VWA8: variants seen among roughly 807,000 people sequenced by gnomAD.
VWA8 encodes von Willebrand factor A domain-containing protein 8.
A neutral mutation model predicts 241.5 loss-of-function variants in VWA8; 221 were observed. The observed-to-expected ratio is 0.91, with a 90% CI of 0.82 to 1.02. The LOEUF (loss-of-function observed/expected upper bound fraction) is 1.02. Among genes scored for constraint, VWA8 ranks in the 50% least tolerant of loss-of-function variants. VWA8 has a pLI of 0.00. For missense variants in VWA8, 2,322 were observed against 2,328.7 expected (o/e 1.00, Z 0.06); for synonymous variants, 852 against 827.1 (o/e 1.03, Z -0.52).
chr13:41,595,790 A>C (rs2044484249), intron 40 of VWA8, among the ~76,000 whole-genome samples: 1 of 152,134 alleles, frequency 6.6e-6, no homozygotes. Flanking sequence ...TATTAAAAAT[A>C]ATGCCACCAT....
intron 35 of VWA8, among the ~76,000 whole-genome samples, chr13:41,684,341 T>G (rs544129930): frequency 4.3e-4 from 65 of 150,950 alleles, no homozygotes; most frequent in African/African-American, 1.5e-3. Context: ...ACTACCACTG[T>G]GACATAAAAA....
chr13:41,849,430 GATAT>G (rs2138027177), intron 12 of VWA8, among the ~76,000 whole-genome samples: 1 of 152,148 alleles, frequency 6.6e-6, no homozygotes, highest in South Asian at 2.1e-4. Flanking sequence ...GGATCATAAG[GATAT>G]ATAGATATAT....
chr13:41,630,770 C>T (rs574788272), intron 37 of VWA8, among the ~76,000 whole-genome samples: 67 of 152,056 alleles, frequency 4.4e-4, no homozygotes, highest in Admixed American at 1.7e-3. Flanking sequence ...TTTTACTTTA[C>T]CTTTTATTAA....
intron 2 of VWA8, among the ~76,000 whole-genome samples, chr13:41,942,793 G>A (rs1051771740): frequency 6.6e-6 from 1 of 152,184 alleles, no homozygotes; most frequent in Non-Finnish European, 1.5e-5. Context: ...AGGCACTCCA[G>A]GTCTTTATCC....
At chr13:41,903,578 A>T (rs1875561574) in intron 4 of VWA8, among the ~76,000 whole-genome samples, 1 of 152,148 alleles carries the variant, frequency 6.6e-6, no homozygotes, top group South Asian at 2.1e-4. Flanking sequence ...TATAACCTGA[A>T]TTACAAGGAG....
At position 41,950,346 on chromosome 13, in the gene VWA8, A is replaced by G. The variant is rs17595400; in HGVS notation, c.164-333T>C. On this transcript the variant is annotated intron_variant, in intron 1 of 44. Coordinates refer to ENST00000379310, the MANE Select transcript of VWA8 (RefSeq NM_015058.2). Reference sequence around the variant, plus strand: ...GAATGCATTTTGTTTAAGATCATTCAAAGTATCCATAGAGTAAAATCTTTT... The same window carrying G: ...GAATGCATTTTGTTTAAGATCATTCGAAGTATCCATAGAGTAAAATCTTTT... 4.8e-3 allele frequency among the ~76,000 whole-genome samples: 728 copies of G among 151,654 alleles called. 11 individuals carry two copies. The highest frequency in any genetic ancestry group is 0.036 in the Admixed American group (548 of 15,196).
chr13:41,866,027 C>T lies in VWA8; in HGVS notation c.1222G>A (p.Gly408Arg), dbSNP rs17062601. 937 of 1,613,924 alleles carry T rather than the reference C, an allele frequency of 5.8e-4. 7 individuals carry two copies. In the African/African-American group the frequency reaches 9.7e-3, roughly 17 times the overall value. The change falls in exon 11 of 45, where the codon GGG becomes AGG. Residue 408 changes from glycine (G) to arginine (R), a missense_variant. Physicochemically the swap from Gly to Arg is moderately radical, Grantham distance 125. Coordinates refer to ENST00000379310, the MANE Select transcript of VWA8 (RefSeq NM_015058.2). ...CAAGGTTGACTTAATAGCCTGGTCC[C>T]GGCTGGCACCTATAATTAAAGAGAG... ...DKEVTIKVPA[G>R]TRLLSQPCAS... is the part of the protein sequence containing the mutation.
At chr13:41,785,086 T>C (rs981097615) in intron 18 of VWA8, among the ~76,000 whole-genome samples, 7 of 151,866 alleles carry the variant, frequency 4.6e-5, no homozygotes, top group African/African-American at 1.5e-4. Flanking sequence ...ATGTTCCAAG[T>C]TCAATAATAT....
chr13:41,784,697 C>CATATATATACAT (rs1869066480), intron 18 of VWA8, among the ~76,000 whole-genome samples: 1 of 57,022 alleles, frequency 1.8e-5, no homozygotes, highest in Non-Finnish European at 3.7e-5. Context: ...TATACATATA[C>CATATATATACAT]ATATATATAT....
rs2045443235 is a variant in VWA8, at chr13:41,727,231, T to C, written c.2721A>G (p.Gly907=). 1 of 1,549,620 alleles carries C rather than the reference T, an allele frequency of 6.5e-7. No homozygotes were observed. The highest frequency in any genetic ancestry group is 8.7e-7 in the Non-Finnish European group (1 of 1,146,610). Residue 907 remains glycine, a synonymous_variant, in exon 24 of 45, where the codon GGA becomes GGG. Transcript: ENST00000379310. ...AGAAATCATTGCCTAGGAAAGGAAA[T>C]CCAGGTCTATTTGCCAGAACAATCA... ...FRMIVLANRP[G]FPFLGNDFFG... is the part of the protein sequence containing the mutation.
intron 5 of VWA8, among the ~76,000 whole-genome samples, chr13:41,889,613 A>C (rs1392555174): frequency 6.6e-6 from 1 of 152,176 alleles, no homozygotes; most frequent in Non-Finnish European, 1.5e-5. Flanking sequence ...TCCTGACCTC[A>C]GGTGATCTGC....
intron 9 of VWA8, among the ~76,000 whole-genome samples, chr13:41,879,380 CAT>C (rs1171647178): frequency 5.3e-5 from 5 of 94,688 alleles, no homozygotes; most frequent in Non-Finnish European, 9.1e-5. Context: ...TACATACACA[CAT>C]ACACACACAC....
intron 24 of VWA8, among the ~76,000 whole-genome samples, chr13:41,726,233 G>C (rs2045432171): frequency 6.6e-6 from 1 of 151,988 alleles, no homozygotes; most frequent in Non-Finnish European, 1.5e-5. Context: ...GTCCCATTTA[G>C]ATGGATATTA....
At chr13:41,916,860 A>G (rs1273099644) in intron 2 of VWA8, among the ~76,000 whole-genome samples, 1 of 152,238 alleles carries the variant, frequency 6.6e-6, no homozygotes, top group African/African-American at 2.4e-5. Flanking sequence ...ATAACCTAAT[A>G]TAAACATAGC....
Position 41,590,675 on chromosome 13 carries a change from C to G in VWA8, c.5077G>C (p.Ala1693Pro). 1 of 1,614,040 alleles carries G rather than the reference C, an allele frequency of 6.2e-7. No individual in the cohort carries two copies. ...KIIDGLTGEK[A>P]IYKRRGELEP... The stretch of plus-strand genomic sequence containing the variant: ...AGCTCACCCCGACGTTTGTAGATGG[C>G]TTTTTCTCCAGTCAGCCCATCAATG... Residue 1693 changes from alanine (A) to proline (P), a missense_variant, in exon 41 of 45, where the codon GCC (alanine) becomes CCC (proline). Ala to Pro is a conservative substitution (Grantham distance 27). Transcript: ENST00000379310.
intron 12 of VWA8, among the ~76,000 whole-genome samples, chr13:41,835,189 G>GT (rs1051994296): frequency 1.3e-5 from 2 of 152,124 alleles, no homozygotes; most frequent in African/African-American, 4.8e-5. Flanking sequence ...CATGGCACAC[G>GT]TTTACCCATG....
intron 17 of VWA8, among the ~76,000 whole-genome samples, chr13:41,791,909 G>A (rs565523117): frequency 1.3e-4 from 20 of 151,536 alleles, no homozygotes; most frequent in Admixed American, 2.6e-4. Flanking sequence ...TCGAGAAGTG[G>A]AATTGTCAAA....
At chr13:41,862,542 T>C (rs1188181475) in intron 12 of VWA8, among the ~76,000 whole-genome samples, 2 of 152,110 alleles carry the variant, frequency 1.3e-5, no homozygotes, top group Non-Finnish European at 2.9e-5. Context: ...TCACAAACTA[T>C]GCATATGACA....
At chr13:41,941,928 C>G (rs533254158) in intron 2 of VWA8, among the ~76,000 whole-genome samples, 2 of 152,290 alleles carry the variant, frequency 1.3e-5, no homozygotes, top group South Asian at 4.1e-4. Flanking sequence ...CAATCATTTT[C>G]CTACAGAACT....
Sources: gnomAD v4.1 joint callset for allele counts (sites outside exome capture counted in the v4.1 genomes callset) on GRCh38, gnomAD v4.1.1 for gene constraint, MANE v1.5 for transcripts, NCBI Gene and HGNC (gene_info 2026-07-23, HGNC 2026-07-21) for gene names.